ERC2: variants seen among roughly 807,000 people sequenced by gnomAD.
ERC2 encodes ELKS/RAB6-interacting/CAST family member 2, also known as ERC protein 2.
In ERC2, 42 loss-of-function variants were observed where a neutral mutation model predicts 114.8. The observed-to-expected ratio is 0.37, with a 90% CI of 0.29 to 0.47. ERC2 has a LOEUF of 0.47. Ranked by LOEUF, ERC2 falls within the 20% of genes least tolerant of loss-of-function variation. ERC2 has a pLI of 0.99. For synonymous variants in ERC2, 454 were observed against 425.5 expected (o/e 1.07, Z -0.82); for missense variants, 939 against 1,150.7 (o/e 0.82, Z 2.66).
intron 14 of ERC2, among the ~76,000 whole-genome samples, chr3:55,785,756 A>G (rs1184898982): frequency 6.6e-6 from 1 of 152,210 alleles, no homozygotes; most frequent in East Asian, 1.9e-4. Flanking sequence ...GCTCTGCACC[A>G]TCTTCAGCTC....
chr3:55,729,067 G>A (rs1029596085), intron 15 of ERC2, among the ~76,000 whole-genome samples: 2 of 152,150 alleles, frequency 1.3e-5, no homozygotes, highest in Non-Finnish European at 2.9e-5. Context: ...TAGTGATGAG[G>A]GGAGCCCTCC....
chr3:56,323,542 T>A (rs1297941835), intron 2 of ERC2, among the ~76,000 whole-genome samples: 1 of 152,138 alleles, frequency 6.6e-6, no homozygotes, highest in Non-Finnish European at 1.5e-5. Flanking sequence ...ACTGCCTAAC[T>A]GAGCCCAGCC....
intron 2 of ERC2, among the ~76,000 whole-genome samples, chr3:56,372,945 G>C (rs767321808): frequency 6.6e-6 from 1 of 152,128 alleles, no homozygotes; most frequent in African/African-American, 2.4e-5. Context: ...AAGAAGAAAT[G>C]TATCATTATT....
intron 13 of ERC2, among the ~76,000 whole-genome samples, chr3:55,892,467 G>A (rs531342554): frequency 1.1e-4 from 16 of 152,314 alleles, no homozygotes; most frequent in Non-Finnish European, 2.4e-4. Flanking sequence ...AAACTGTAAT[G>A]AGCTGTGATT....
chr3:55,926,409 T>TG (rs2065750893), intron 13 of ERC2, among the ~76,000 whole-genome samples: 1 of 25,314 alleles, frequency 4.0e-5, no homozygotes, highest in African/African-American at 1.5e-4. Flanking sequence ...TTTTGTTTTT[T>TG]GTTTTTAAAA....
intron 17 of ERC2, among the ~76,000 whole-genome samples, chr3:55,538,004 T>C (rs553865464): frequency 2.0e-5 from 3 of 152,218 alleles, no homozygotes; most frequent in Non-Finnish European, 2.9e-5. Context: ...GGGGAGGAGA[T>C]TGTATGATCA....
At chr3:55,734,191 G>A (rs2065478400) in intron 15 of ERC2, among the ~76,000 whole-genome samples, 2 of 152,118 alleles carry the variant, frequency 1.3e-5, no homozygotes, top group African/African-American at 4.8e-5. Flanking sequence ...AGGATAACGG[G>A]GCAAACAGGT....
intron 10 of ERC2, among the ~76,000 whole-genome samples, chr3:55,998,628 G>A (rs890435763): frequency 6.6e-6 from 1 of 152,134 alleles, no homozygotes; most frequent in African/African-American, 2.4e-5. Flanking sequence ...TTCAGAAATA[G>A]GCTTCAAAAA....
intron 13 of ERC2, among the ~76,000 whole-genome samples, chr3:55,942,162 A>G (rs926062771): frequency 2.0e-5 from 3 of 150,670 alleles, no homozygotes; most frequent in African/African-American, 7.3e-5. Context: ...CCCTCTGCCA[A>G]TAACTCCCTC....
At chr3:56,162,136 G>C (rs531414509) in intron 4 of ERC2, among the ~76,000 whole-genome samples, 4 of 152,196 alleles carry the variant, frequency 2.6e-5, no homozygotes, top group Non-Finnish European at 5.9e-5. Flanking sequence ...CATCTATTGA[G>C]ATTATCATAT....
chr3:55,739,567 A>C (rs1312468585), intron 14 of ERC2, among the ~76,000 whole-genome samples: 2 of 150,446 alleles, frequency 1.3e-5, no homozygotes, highest in Non-Finnish European at 1.5e-5. Flanking sequence ...GCTTTTGAGA[A>C]GTGTCTGTTC....
chr3:56,357,304 C>G (rs1260582716), intron 2 of ERC2, among the ~76,000 whole-genome samples: 1 of 152,248 alleles, frequency 6.6e-6, no homozygotes, highest in Non-Finnish European at 1.5e-5. Flanking sequence ...GACCTCACAA[C>G]AATCCTTACA....
chr3:55,622,203 T>C (rs536124627), intron 17 of ERC2, among the ~76,000 whole-genome samples: 1 of 152,272 alleles, frequency 6.6e-6, no homozygotes, highest in South Asian at 2.1e-4. Flanking sequence ...ACAACACTAT[T>C]TGTAGAAGCC....
intron 17 of ERC2, among the ~76,000 whole-genome samples, chr3:55,543,755 C>T (rs776788991): frequency 4.7e-4 from 71 of 152,062 alleles, no homozygotes; most frequent in Non-Finnish European, 7.9e-4. Context: ...GTTCCTGCTG[C>T]GCTGTCTCTG....
chr3:56,011,286 A>G (rs1205994594), intron 8 of ERC2, among the ~76,000 whole-genome samples: 1 of 152,190 alleles, frequency 6.6e-6, no homozygotes, highest in Non-Finnish European at 1.5e-5. Flanking sequence ...GGCTTACTAC[A>G]TGCTAGGCAC....
At chr3:56,356,367 G>A (rs1190276998) in intron 2 of ERC2, among the ~76,000 whole-genome samples, 1 of 152,214 alleles carries the variant, frequency 6.6e-6, no homozygotes, top group African/African-American at 2.4e-5. Context: ...GGCCTGGGCT[G>A]AAGTTCATCT....
intron 7 of ERC2, among the ~76,000 whole-genome samples, chr3:56,051,287 T>C (rs975800427): frequency 1.3e-5 from 2 of 152,166 alleles, no homozygotes; most frequent in African/African-American, 2.4e-5. Context: ...CAGATTAAGA[T>C]GGTTTTAACA....
chr3:56,268,519 G>C (rs955385265), intron 3 of ERC2, among the ~76,000 whole-genome samples: 3 of 152,040 alleles, frequency 2.0e-5, no homozygotes, highest in Non-Finnish European at 4.4e-5. Flanking sequence ...ATACATATTT[G>C]TTCTAGCCCC....
intron 2 of ERC2, among the ~76,000 whole-genome samples, chr3:56,428,330 G>A (rs190168363): frequency 3.9e-4 from 60 of 152,118 alleles, no homozygotes; most frequent in East Asian, 3.5e-3. Flanking sequence ...TGACCAGCCT[G>A]GCCAACATGG....
Sources: allele counts gnomAD v4.1 joint callset (sites outside exome capture counted in the v4.1 genomes callset), GRCh38; gene constraint gnomAD v4.1.1; transcripts MANE v1.5; gene names NCBI Gene and HGNC (gene_info 2026-07-23, HGNC 2026-07-21).